Variants in EYS observed in about 807,000 individuals in gnomAD.
The protein encoded by EYS is protein eyes shut homolog.
In EYS, 250 loss-of-function variants were observed where a neutral mutation model predicts 282.1. The observed-to-expected ratio is 0.89, with a 90% CI of 0.80 to 0.98. The LOEUF is 0.98. Among genes scored for constraint, EYS ranks in the 50% least tolerant of loss-of-function variants. EYS has a pLI of 0.00. For synonymous variants in EYS, 1,355 were observed against 1,282.9 expected (o/e 1.06, Z -1.20); for missense variants, 4,016 against 3,709.0 (o/e 1.08, Z -2.15).
At chr6:65,480,550 T>G (rs1765570045) in intron 5 of EYS, among the ~76,000 whole-genome samples, 1 of 152,192 alleles carries the variant, frequency 6.6e-6, no homozygotes, top group South Asian at 2.1e-4. Context: ...TTATCTATTT[T>G]ATTTACTACT....
intron 30 of EYS, among the ~76,000 whole-genome samples, chr6:64,296,815 C>T (rs889373530): frequency 2.6e-5 from 4 of 151,832 alleles, no homozygotes; most frequent in South Asian, 2.1e-4. Flanking sequence ...CCACATTGGC[C>T]AGACTGGTAT....
chr6:64,959,485 T>TTAAACC (rs1381328300), intron 14 of EYS, among the ~76,000 whole-genome samples: 2 of 152,194 alleles, frequency 1.3e-5, no homozygotes, highest in Non-Finnish European at 2.9e-5. Flanking sequence ...TCTACACACA[T>TTAAACC]TAAACCACTC....
At chr6:65,457,761 T>C (rs1764680529) in intron 5 of EYS, among the ~76,000 whole-genome samples, 1 of 152,168 alleles carries the variant, frequency 6.6e-6, no homozygotes, top group African/African-American at 2.4e-5. Flanking sequence ...TATTTTCACC[T>C]ACAAATCAAG....
At chr6:65,656,061 T>C (rs1407547311) in intron 1 of EYS, among the ~76,000 whole-genome samples, 2 of 151,830 alleles carry the variant, frequency 1.3e-5, no homozygotes, top group Non-Finnish European at 2.9e-5. Context: ...GGTGTTACCA[T>C]TGTAATTGTT....
chr6:63,989,177 G>A (rs1456323513), intron 34 of EYS, among the ~76,000 whole-genome samples: 1 of 151,620 alleles, frequency 6.6e-6, no homozygotes, highest in East Asian at 1.9e-4. Context: ...TTGTCTTTAA[G>A]ATTATGATGA....
chr6:64,194,634 T>C (rs1263331854), intron 31 of EYS, among the ~76,000 whole-genome samples: 1 of 152,172 alleles, frequency 6.6e-6, no homozygotes, highest in African/African-American at 2.4e-5. Context: ...CTGTATGATA[T>C]TAGGTTTGCT....
chr6:65,065,366 T>A (rs1773712837), intron 12 of EYS, among the ~76,000 whole-genome samples: 1 of 151,840 alleles, frequency 6.6e-6, no homozygotes, highest in Admixed American at 6.6e-5. Context: ...TAAAAGTGAT[T>A]TGTCTGGGAA....
chr6:65,216,380 A>T (rs1244979049), intron 12 of EYS, among the ~76,000 whole-genome samples: 3 of 152,142 alleles, frequency 2.0e-5, no homozygotes, highest in Middle Eastern at 6.8e-3. Flanking sequence ...TATGCATTGT[A>T]TCATGAAATA....
At chr6:64,658,480 T>A (rs186740502) in intron 22 of EYS, among the ~76,000 whole-genome samples, 1 of 152,204 alleles carries the variant, frequency 6.6e-6, no homozygotes, top group Admixed American at 6.5e-5. Context: ...CCCATCTTTG[T>A]GGATTTATCT....
chr6:64,653,634 G>A (rs11757950), intron 22 of EYS, among the ~76,000 whole-genome samples: 15,999 of 151,948 alleles, frequency 0.11, 999 homozygotes, highest in East Asian at 0.16. Context: ...GCGTGACTGT[G>A]GCTCACTGCA....
At chr6:64,942,275 A>G (rs537388631) in intron 15 of EYS, among the ~76,000 whole-genome samples, 85 of 146,182 alleles carry the variant, frequency 5.8e-4, no homozygotes, top group African/African-American at 2.1e-3. Flanking sequence ...AATGTCAGAA[A>G]GATATCAAAC....
In EYS at chr6:65,150,600, C is replaced by T. The variant is rs532469555; in HGVS notation, c.2024-92873G>A. 1.1e-3 allele frequency among the ~76,000 whole-genome samples: 162 copies of T among 151,996 alleles called. 1 individual carries two copies. The highest frequency in any genetic ancestry group is 3.7e-3 in the African/African-American group (155 of 41,514). On this transcript the variant is annotated intron_variant, in intron 12 of 42. Coordinates refer to ENST00000503581, the MANE Select transcript of EYS (RefSeq NM_001142800.2). ...CTCATTTTCAAATAGTCTGTCATTA[C>T]AGGAGAATCTATTTCTCATCATGTT...
intron 26 of EYS, among the ~76,000 whole-genome samples, chr6:64,470,407 TAG>T (rs1317240371): frequency 6.6e-6 from 1 of 152,068 alleles, no homozygotes; most frequent in Non-Finnish European, 1.5e-5. Flanking sequence ...AAAAACAAAA[TAG>T]ATATTATTTA....
At chr6:64,309,791 C>A (rs1015029694) in intron 29 of EYS, among the ~76,000 whole-genome samples, 3 of 151,726 alleles carry the variant, frequency 2.0e-5, no homozygotes, top group Non-Finnish European at 4.4e-5. Context: ...ATGGTGAAAC[C>A]CTGTCTCAAC....
chr6:63,943,705 G>T (rs1177948807), intron 35 of EYS, among the ~76,000 whole-genome samples: 2 of 152,156 alleles, frequency 1.3e-5, no homozygotes, highest in African/African-American at 4.8e-5. Flanking sequence ...GCTTTTCCCT[G>T]CTAGTTACCA....
chr6:64,974,606 T>A (rs540741582), intron 14 of EYS, among the ~76,000 whole-genome samples: 1 of 151,962 alleles, frequency 6.6e-6, no homozygotes, highest in African/African-American at 2.4e-5. Flanking sequence ...TAAACTACAT[T>A]TTCCACTCCA....
chr6:65,064,045 C>G (rs1326166805), intron 12 of EYS, among the ~76,000 whole-genome samples: 1 of 149,952 alleles, frequency 6.7e-6, no homozygotes, highest in Non-Finnish European at 1.5e-5. Flanking sequence ...AGGCTATATA[C>G]TAATGCTCTG....
intron 19 of EYS, among the ~76,000 whole-genome samples, chr6:64,871,282 C>T (rs1195050812): frequency 6.7e-6 from 1 of 149,990 alleles, no homozygotes; most frequent in Non-Finnish European, 1.5e-5. Flanking sequence ...AACAGGCCAT[C>T]ATTAAACTTT....
Position 63,735,521 on chromosome 6 carries a change from CTTA to C in EYS, c.8072-8844_8072-8842del, listed in dbSNP as rs1231686460. Among the ~76,000 whole-genome samples, 5 of 151,544 alleles carry C rather than the reference CTTA, an allele frequency of 3.3e-5. No individual in the cohort carries two copies. The South Asian group carries it at 8.3e-4, about 25-fold the overall frequency. ...CACACACACACACACACACACCCTA[CTTA>C]TTATTAGACCTTTTTCCCAACCTAT... is the stretch of plus-strand genomic sequence containing the variant. On this transcript the variant is annotated intron_variant, in intron 41 of 42. Transcript: ENST00000503581.
Sources: gnomAD v4.1 joint callset for allele counts (sites outside exome capture counted in the v4.1 genomes callset) on GRCh38, gnomAD v4.1.1 for gene constraint, MANE v1.5 for transcripts, NCBI Gene and HGNC (gene_info 2026-07-23, HGNC 2026-07-21) for gene names.